The following KCNH8 variants were observed in gnomAD, a reference collection of about 807,000 sequenced individuals.
KCNH8 encodes the protein potassium voltage-gated channel subfamily H member 8.
Under a neutral mutation model 103.6 loss-of-function variants are expected in KCNH8, and 70 were observed. The ratio of observed to expected loss-of-function variants is 0.68; its 90% CI spans 0.56 to 0.82. The LOEUF is 0.82. Among genes scored for constraint, KCNH8 ranks in the 40% least tolerant of loss-of-function variants. The pLI, the probability that KCNH8 is intolerant of heterozygous loss-of-function variation, is 0.00. For missense variants in KCNH8, 1,217 were observed against 1,329.9 expected (o/e 0.92, Z 1.32); for synonymous variants, 498 against 489.4 (o/e 1.02, Z -0.23).
intron 1 of KCNH8, among the ~76,000 whole-genome samples, chr3:19,168,830 A>G (rs539453063): frequency 6.6e-6 from 1 of 152,322 alleles, no homozygotes; most frequent in East Asian, 1.9e-4. Flanking sequence ...CTGTGGATCT[A>G]CTACATTTTC....
At chr3:19,342,087 A>C (rs574808883) in intron 3 of KCNH8, among the ~76,000 whole-genome samples, 5 of 152,268 alleles carry the variant, frequency 3.3e-5, no homozygotes, top group African/African-American at 1.2e-4. Context: ...TAGCCATTTA[A>C]AAAATAGAGA....
chr3:19,229,124 ATTATTTGACT>A (rs1328517439), intron 1 of KCNH8, among the ~76,000 whole-genome samples: 4 of 152,190 alleles, frequency 2.6e-5, no homozygotes, highest in Non-Finnish European at 5.9e-5. Context: ...AGTATTACCC[ATTATTTGACT>A]TTATTACTTC....
At chr3:19,508,075 G>A (rs1383132718) in intron 11 of KCNH8, among the ~76,000 whole-genome samples, 1 of 152,138 alleles carries the variant, frequency 6.6e-6, no homozygotes, top group Non-Finnish European at 1.5e-5. Flanking sequence ...AACCAGCCTT[G>A]CATCCCAGGA....
chr3:19,149,067 T>C (rs2063103109), intron 1 of KCNH8, among the ~76,000 whole-genome samples: 1 of 152,130 alleles, frequency 6.6e-6, no homozygotes, highest in Non-Finnish European at 1.5e-5. Context: ...GTATTCACTG[T>C]GGGACCTGCA....
chr3:19,188,648 A>G (rs2063524460), intron 1 of KCNH8, among the ~76,000 whole-genome samples: 1 of 152,138 alleles, frequency 6.6e-6, no homozygotes, highest in South Asian at 2.1e-4. Context: ...TTATTTGCTT[A>G]GCTACATAAT....
chr3:19,212,222 TAAGAG>T (rs111751129), intron 1 of KCNH8, among the ~76,000 whole-genome samples: 2,317 of 152,304 alleles, frequency 0.015, 59 homozygotes, highest in African/African-American at 0.051. Flanking sequence ...ACAACTACAT[TAAGAG>T]AAAAGTATTA....
At chr3:19,218,900 T>C (rs1279237360) in intron 1 of KCNH8, among the ~76,000 whole-genome samples, 2 of 152,208 alleles carry the variant, frequency 1.3e-5, no homozygotes, top group African/African-American at 4.8e-5. Flanking sequence ...CACAGTTATA[T>C]TGGATTAGGG....
At chr3:19,357,872 G>A (rs2065899404) in intron 5 of KCNH8, among the ~76,000 whole-genome samples, 1 of 151,870 alleles carries the variant, frequency 6.6e-6, no homozygotes, top group Non-Finnish European at 1.5e-5. Flanking sequence ...AAGCTGAGAA[G>A]CTTTCATAAT....
At chr3:19,326,235 A>G (rs1483748876) in intron 3 of KCNH8, among the ~76,000 whole-genome samples, 2 of 151,830 alleles carry the variant, frequency 1.3e-5, no homozygotes, top group Non-Finnish European at 2.9e-5. Context: ...ACTAAAGGAT[A>G]CTAGGCTTAA....
chr3:19,349,645 C>G (rs2065773102), intron 5 of KCNH8, among the ~76,000 whole-genome samples: 1 of 152,024 alleles, frequency 6.6e-6, no homozygotes, highest in South Asian at 2.1e-4. Flanking sequence ...CCTTAGAAGC[C>G]ACTTCTGTTA....
At chr3:19,173,639 C>T (rs2063369853) in intron 1 of KCNH8, among the ~76,000 whole-genome samples, 1 of 151,800 alleles carries the variant, frequency 6.6e-6, no homozygotes, top group Non-Finnish European at 1.5e-5. Context: ...CACACACACC[C>T]ACACACACAC....
intron 1 of KCNH8, among the ~76,000 whole-genome samples, chr3:19,217,593 T>A (rs2063830154): frequency 6.6e-6 from 1 of 152,212 alleles, no homozygotes; most frequent in Non-Finnish European, 1.5e-5. Context: ...TGAAGTTGCT[T>A]CTATTATTAT....
intron 15 of KCNH8, among the ~76,000 whole-genome samples, chr3:19,519,964 AGTTT>A (rs1434485717): frequency 1.3e-5 from 2 of 151,846 alleles, no homozygotes; most frequent in Non-Finnish European, 2.9e-5. Flanking sequence ...AAATCCACAC[AGTTT>A]GTTATTTTCC....
At chr3:19,278,939 A>G (rs2064716695) in intron 2 of KCNH8, among the ~76,000 whole-genome samples, 1 of 152,098 alleles carries the variant, frequency 6.6e-6, no homozygotes, top group South Asian at 2.1e-4. Flanking sequence ...ACCTATGCAA[A>G]GGCTCTTTGG....
chr3:19,505,611 A>G (rs2125237431), intron 11 of KCNH8, among the ~76,000 whole-genome samples: 1 of 152,160 alleles, frequency 6.6e-6, no homozygotes, highest in East Asian at 1.9e-4. Flanking sequence ...TTACATTTCA[A>G]CCTTGGAAAA....
intron 1 of KCNH8, among the ~76,000 whole-genome samples, chr3:19,243,826 T>G (rs2064172356): frequency 6.6e-6 from 1 of 152,142 alleles, no homozygotes; most frequent in South Asian, 2.1e-4. Context: ...GAAATATTCT[T>G]TGAATTAAAT....
chr3:19,201,313 C>T (rs1294701421), intron 1 of KCNH8, among the ~76,000 whole-genome samples: 1 of 134,174 alleles, frequency 7.5e-6, no homozygotes, highest in Non-Finnish European at 1.6e-5. Flanking sequence ...ATTTTTAACA[C>T]AACATGTTTA....
intron 11 of KCNH8, among the ~76,000 whole-genome samples, chr3:19,486,519 G>GT (rs2068213099): frequency 6.6e-6 from 1 of 152,212 alleles, no homozygotes; most frequent in African/African-American, 2.4e-5. Flanking sequence ...CCATCTAGTT[G>GT]TTTTGAGAGA....
intron 1 of KCNH8, among the ~76,000 whole-genome samples, chr3:19,183,118 T>G (rs754855618): frequency 1.3e-5 from 2 of 152,226 alleles, no homozygotes; most frequent in Non-Finnish European, 2.9e-5. Flanking sequence ...CCATTAAAAT[T>G]TGGGACCAGT....
Sources: allele counts gnomAD v4.1 joint callset (sites outside exome capture counted in the v4.1 genomes callset), GRCh38; gene constraint gnomAD v4.1.1; transcripts MANE v1.5; gene names NCBI Gene and HGNC (gene_info 2026-07-23, HGNC 2026-07-21).